Variants in CLIC5 observed in about 807,000 individuals in gnomAD.
The protein encoded by CLIC5 is CLIC family member 5, also known as chloride intracellular channel protein 5.
Under a neutral mutation model 24.7 loss-of-function variants are expected in CLIC5, and 20 were observed. The observed-to-expected ratio is 0.81, with a 90% CI of 0.57 to 1.18. CLIC5 has a LOEUF of 1.18. Ranked by LOEUF, CLIC5 falls within the 50% of genes most tolerant of loss-of-function variation. CLIC5 has a pLI of 0.00. For missense variants in CLIC5, 341 were observed against 326.1 expected (o/e 1.05, Z -0.35); for synonymous variants, 159 against 135.6 (o/e 1.17, Z -1.20).
intron 1 of CLIC5, among the ~76,000 whole-genome samples, chr6:46,076,881 T>C (rs1581923685): frequency 1.3e-5 from 2 of 152,312 alleles, no homozygotes; most frequent in South Asian, 2.1e-4. Flanking sequence ...CTCATGCCTG[T>C]AATCCCAGAA....
chr6:46,060,399 A>G (rs1449094332), intron 1 of CLIC5, among the ~76,000 whole-genome samples: 5 of 152,352 alleles, frequency 3.3e-5, no homozygotes, highest in Admixed American at 2.6e-4. Context: ...AAATACAAGT[A>G]AAAACAATCT....
chr6:46,002,506 T>TC (rs1203441613), intron 1 of CLIC5, among the ~76,000 whole-genome samples: 1 of 152,172 alleles, frequency 6.6e-6, no homozygotes, highest in African/African-American at 2.4e-5. Flanking sequence ...CACTTTTTTT[T>TC]CCCAGTGGCA....
intron 1 of CLIC5, among the ~76,000 whole-genome samples, chr6:46,043,760 A>C (rs1207045327): frequency 6.8e-6 from 1 of 147,834 alleles, no homozygotes. Flanking sequence ...CAGCTCATGC[A>C]CTGTGCTATG....
chr6:45,947,247 G>A (rs945483007), intron 3 of CLIC5, among the ~76,000 whole-genome samples: 4 of 152,354 alleles, frequency 2.6e-5, no homozygotes, highest in Non-Finnish European at 5.9e-5. Context: ...AGTTAGAGAA[G>A]CAGCCCAGGA....
chr6:45,939,845 T>C (rs1764069687), intron 4 of CLIC5, among the ~76,000 whole-genome samples: 1 of 149,402 alleles, frequency 6.7e-6, no homozygotes, highest in African/African-American at 2.5e-5. Flanking sequence ...AAAGACAGGG[T>C]CTTACTATGT....
chr6:45,940,684 G>A (rs1764098221), intron 4 of CLIC5, among the ~76,000 whole-genome samples: 1 of 152,144 alleles, frequency 6.6e-6, no homozygotes, highest in Non-Finnish European at 1.5e-5. Context: ...CAGCCTGTGA[G>A]GCTGTCCTGT....
the CLIC5 span, among the ~76,000 whole-genome samples, chr6:46,124,415 C>G: frequency 2.6e-5 from 4 of 152,152 alleles, no homozygotes; most frequent in African/African-American, 9.7e-5. Context: ...TTCCTTACAC[C>G]CTACACAAAA....
At chr6:45,924,706 GA>G (rs1763407811) in intron 4 of CLIC5, among the ~76,000 whole-genome samples, 1 of 152,076 alleles carries the variant, frequency 6.6e-6, no homozygotes, top group Admixed American at 6.6e-5. Context: ...GAATATATAA[GA>G]ATTGAATATA....
chr6:46,108,617 T>C, the CLIC5 span, among the ~76,000 whole-genome samples: 4 of 152,124 alleles, frequency 2.6e-5, no homozygotes, highest in African/African-American at 4.8e-5. Context: ...CAGGCTTGTC[T>C]TGTACTCCTG....
At chr6:45,954,272 C>CAAAAAAAAAAAAAA (rs11311720) in intron 2 of CLIC5, among the ~76,000 whole-genome samples, 1 of 76,560 alleles carries the variant, frequency 1.3e-5, no homozygotes, top group Non-Finnish European at 2.8e-5. Context: ...GACTCTGTCT[C>CAAAAAAAAAAAAAA]AAAAAAAAAA....
At chr6:45,920,304 A>AC (rs1331548704) in intron 4 of CLIC5, 12 of 983,810 alleles carry the variant, frequency 1.2e-5, no homozygotes, top group Non-Finnish European at 1.4e-5. Context: ...CAGTGCTGTC[A>AC]CACGGGCTGT....
At chr6:45,905,185 A>G (rs1030493596) in intron 5 of CLIC5, among the ~76,000 whole-genome samples, 2 of 152,224 alleles carry the variant, frequency 1.3e-5, no homozygotes, top group Non-Finnish European at 2.9e-5. Context: ...TGTCATAAAT[A>G]TATGAATGCA....
chr6:45,982,626 G>A (rs1765604088), intron 1 of CLIC5, among the ~76,000 whole-genome samples: 1 of 152,104 alleles, frequency 6.6e-6, no homozygotes, highest in East Asian at 1.9e-4. Context: ...TATAGAAAAA[G>A]CATAATAAAA....
At chr6:46,009,053 G>A (rs1766704690) in intron 1 of CLIC5, among the ~76,000 whole-genome samples, 1 of 152,154 alleles carries the variant, frequency 6.6e-6, no homozygotes, top group South Asian at 2.1e-4. Context: ...TCTATAGACA[G>A]GACCTGGGCA....
intron 4 of CLIC5, chr6:45,914,660 A>C: frequency 3.6e-6 from 2 of 549,568 alleles, no homozygotes; most frequent in Non-Finnish European, 2.4e-6. Context: ...ATACATAAAT[A>C]TAGAAACACA....
At chr6:45,907,495 A>C (rs912457553) in intron 5 of CLIC5, among the ~76,000 whole-genome samples, 1 of 151,666 alleles carries the variant, frequency 6.6e-6, no homozygotes, top group Non-Finnish European at 1.5e-5. Context: ...TTCTTTTTTC[A>C]TTGTGTCTTT....
chr6:45,965,078 A>C (rs1344840100), intron 1 of CLIC5, among the ~76,000 whole-genome samples: 1 of 152,218 alleles, frequency 6.6e-6, no homozygotes, highest in Non-Finnish European at 1.5e-5. Flanking sequence ...ACAAAAGTTC[A>C]ACAGTACCTA....
At chr6:46,086,021 A>T in the CLIC5 span, among the ~76,000 whole-genome samples, 314 of 151,998 alleles carry the variant, frequency 2.1e-3, no homozygotes, top group African/African-American at 7.1e-3. Context: ...AATCAGTGAG[A>T]CTCCGTGGGC....
chr6:45,962,515 A>G (rs565305403), intron 1 of CLIC5, among the ~76,000 whole-genome samples: 2 of 151,438 alleles, frequency 1.3e-5, no homozygotes, highest in East Asian at 3.9e-4. Flanking sequence ...CCTTCACAGA[A>G]GCATCCAGAG....
Sources: allele counts gnomAD v4.1 joint callset (sites outside exome capture counted in the v4.1 genomes callset), GRCh38; gene constraint gnomAD v4.1.1; transcripts MANE v1.5; gene names NCBI Gene and HGNC (gene_info 2026-07-23, HGNC 2026-07-21).